The following EPHA3 variants were observed in gnomAD, a reference collection of about 807,000 sequenced individuals.
The protein encoded by EPHA3 is EPH receptor A3, also known as ephrin type-A receptor 3.
A neutral mutation model predicts 107.1 loss-of-function variants in EPHA3; 42 were observed. The observed-to-expected ratio is 0.39, with a 90% CI of 0.31 to 0.51. The LOEUF (loss-of-function observed/expected upper bound fraction) is 0.51, where lower values mean the gene tolerates loss of function less well. Ranked by LOEUF, EPHA3 falls within the 20% of genes least tolerant of loss-of-function variation. EPHA3 has a pLI of 0.78. For missense variants in EPHA3, 1,183 were observed against 1,211.2 expected (o/e 0.98, Z 0.35); for synonymous variants, 461 against 424.8 (o/e 1.09, Z -1.05).
intron 2 of EPHA3, among the ~76,000 whole-genome samples, chr3:89,187,892 T>C (rs146482395): frequency 3.5e-3 from 533 of 152,278 alleles, no homozygotes; most frequent in African/African-American, 0.012. Flanking sequence ...GTATATTATA[T>C]ATTAATTAAC....
intron 7 of EPHA3, 187 bp downstream of exon 7, chr3:89,399,667 TTG>T: frequency 7.9e-7 from 1 of 1,264,178 alleles, no homozygotes. Flanking sequence ...GGTGTACATT[TTG>T]TGTTTCTTTT....
At chr3:89,455,558 T>A (rs547572936) in intron 15 of EPHA3, among the ~76,000 whole-genome samples, 1 of 152,274 alleles carries the variant, frequency 6.6e-6, no homozygotes, top group South Asian at 2.1e-4. Context: ...AGTAAGATGA[T>A]TTGATTTATA....
chr3:89,118,519 A>C (rs1034080742), intron 1 of EPHA3, among the ~76,000 whole-genome samples: 1 of 151,850 alleles, frequency 6.6e-6, no homozygotes, highest in South Asian at 2.1e-4. Context: ...TTAACTAAGC[A>C]TGTTTTATTT....
intron 3 of EPHA3, among the ~76,000 whole-genome samples, chr3:89,323,656 G>A (rs1260971888): frequency 6.6e-6 from 1 of 151,896 alleles, no homozygotes; most frequent in Non-Finnish European, 1.5e-5. Context: ...ACAAGTATCT[G>A]GTTCATAAAG....
intron 2 of EPHA3, among the ~76,000 whole-genome samples, chr3:89,156,027 T>A (rs1162019706): frequency 6.6e-6 from 1 of 152,040 alleles, no homozygotes; most frequent in South Asian, 2.1e-4. Flanking sequence ...TGGTGATTGT[T>A]AAACTAGTAA....
intron 5 of EPHA3, among the ~76,000 whole-genome samples, chr3:89,369,074 A>G (rs906922895): frequency 6.7e-6 from 1 of 150,350 alleles, no homozygotes; most frequent in Non-Finnish European, 1.5e-5. Flanking sequence ...GAAGCGTGTC[A>G]TGGAAGGGAA....
At position 89,157,478 on chromosome 3, in the gene EPHA3, G is replaced by A. The variant is rs550707864; in HGVS notation, c.153+30205G>A. On this transcript the variant is annotated intron_variant, in intron 2 of 16. Transcript: ENST00000336596. ...TTGCAAAGTTGATGAAAAACGAAGA[G>A]GAACAAGGAGCATAGAATATCATAT... 1.6e-3 allele frequency among the ~76,000 whole-genome samples: 246 copies of A among 152,070 alleles called. 3 individuals carry two copies. Among genetic ancestry groups the A allele is most frequent in the African/African-American group, 5.6e-3 (232 of 41,502 alleles).
At chr3:89,457,378 T>C (rs892461981) in intron 15 of EPHA3, among the ~76,000 whole-genome samples, 4 of 152,110 alleles carry the variant, frequency 2.6e-5, no homozygotes, top group Admixed American at 6.5e-5. Flanking sequence ...CTGGTGAGCA[T>C]TACCGCCTGA....
At chr3:89,474,379 G>A (rs560481297) in intron 16 of EPHA3, among the ~76,000 whole-genome samples, 22 of 151,988 alleles carry the variant, frequency 1.4e-4, no homozygotes, top group Non-Finnish European at 2.5e-4. Flanking sequence ...GGGTTTCTGT[G>A]GTACTTATTT....
At chr3:89,265,791 C>T (rs1356428265) in intron 3 of EPHA3, among the ~76,000 whole-genome samples, 1 of 152,066 alleles carries the variant, frequency 6.6e-6, no homozygotes. Flanking sequence ...CTGTCAAGTC[C>T]TGAGAATGAG....
At chr3:89,428,434 A>C (rs1036002427) in intron 11 of EPHA3, among the ~76,000 whole-genome samples, 4 of 152,140 alleles carry the variant, frequency 2.6e-5, no homozygotes, top group Non-Finnish European at 5.9e-5. Flanking sequence ...ATGGTATTTT[A>C]GGCTACATAT....
At chr3:89,108,244 AGTATGTTT>A (rs1707019093) in intron 1 of EPHA3, among the ~76,000 whole-genome samples, 1 of 152,090 alleles carries the variant, frequency 6.6e-6, no homozygotes, top group African/African-American at 2.4e-5. Flanking sequence ...TAGACTCTTT[AGTATGTTT>A]AAAGGTAATG....
intron 16 of EPHA3, among the ~76,000 whole-genome samples, chr3:89,477,423 T>C (rs574725974): frequency 2.6e-5 from 4 of 152,306 alleles, no homozygotes; most frequent in African/African-American, 9.6e-5. Flanking sequence ...CAGTAGAGTC[T>C]CGGTTAATTT....
rs749957896 is a variant in EPHA3 at position 89,324,155 on chromosome 3, C to CTT, written c.815-16739_815-16738dup. Among the ~76,000 whole-genome samples, 519 of 118,972 alleles carry CTT rather than the reference C, an allele frequency of 4.4e-3. 3 individuals are homozygous for CTT. The highest frequency in any genetic ancestry group is 0.015 in the African/African-American group (489 of 32,032). 78.1% of individuals were successfully genotyped at this position (118,972 alleles called of 152,430 possible). A position where few individuals can be genotyped will look rare whatever the true frequency, so the allele number is the denominator to read the frequency against. Reference sequence around the variant, plus strand: ...TCAATGTGGAACTTTAGATGTCAGTCTTTTTTTTTTTTTTTTTTTTTTTAA... The same window carrying CTT: ...TCAATGTGGAACTTTAGATGTCAGTCTTTTTTTTTTTTTTTTTTTTTTTTTAA... On this transcript the variant is annotated intron_variant, in intron 3 of 16. Coordinates refer to ENST00000336596, the MANE Select transcript of EPHA3 (RefSeq NM_005233.6).
intron 5 of EPHA3, among the ~76,000 whole-genome samples, chr3:89,373,386 A>G (rs1416577464): frequency 1.3e-5 from 2 of 151,918 alleles, no homozygotes; most frequent in Non-Finnish European, 2.9e-5. Context: ...TGTAGGCTTT[A>G]TATAGATAAC....
At chr3:89,312,899 T>G (rs142154090) in intron 3 of EPHA3, among the ~76,000 whole-genome samples, 74 of 152,150 alleles carry the variant, frequency 4.9e-4, no homozygotes, top group African/African-American at 1.8e-3. Flanking sequence ...TCCATGTCCC[T>G]GTAAAGGACA....
Position 89,466,820 on chromosome 3 carries a change from G to A in EPHA3, c.2691-5644G>A, listed in dbSNP as rs940106296. ...TCGCTCACGCTGGGAGCTGTAGACCGGAGCTGTTCCTATTCGGCCATCTTG... is the reference window on the plus strand; with the variant it reads ...TCGCTCACGCTGGGAGCTGTAGACCAGAGCTGTTCCTATTCGGCCATCTTG... On this transcript the variant is annotated intron_variant, in intron 15 of 16. Coordinates refer to ENST00000336596, the MANE Select transcript of EPHA3 (RefSeq NM_005233.6). 4.2e-5 allele frequency among the ~76,000 whole-genome samples: 6 copies of A among 141,614 alleles called. 1 individual carries two copies. The highest frequency in any genetic ancestry group is 7.0e-5 in the Admixed American group (1 of 14,246). The allele number at this position is 141,614 out of a possible 152,430, so 92.9% of individuals were successfully genotyped here.
chr3:89,366,867 A>T (rs1708193531), intron 5 of EPHA3, among the ~76,000 whole-genome samples: 1 of 150,748 alleles, frequency 6.6e-6, no homozygotes, highest in African/African-American at 2.4e-5. Flanking sequence ...GTGTTTCCTC[A>T]GCAACTAAAA....
rs188219354 is a variant in EPHA3, at chr3:89,276,579, A to T, written c.815-64337A>T. On this transcript the variant is annotated intron_variant, in intron 3 of 16. Transcript: ENST00000336596. Reference sequence around the variant, plus strand: ...AATGTGCATATATATTAAAAAACACAGGAGTAGAAAGCATCAGAGATTGAT... The same window carrying T: ...AATGTGCATATATATTAAAAAACACTGGAGTAGAAAGCATCAGAGATTGAT... Among the ~76,000 whole-genome samples, 3 of 152,228 alleles carry T rather than the reference A, an allele frequency of 2.0e-5. No individual in the cohort carries two copies. In the East Asian group the frequency reaches 5.8e-4, roughly 29 times the overall value.
Sources: gnomAD v4.1 joint callset for allele counts (sites outside exome capture counted in the v4.1 genomes callset) on GRCh38, gnomAD v4.1.1 for gene constraint, MANE v1.5 for transcripts, NCBI Gene and HGNC (gene_info 2026-07-23, HGNC 2026-07-21) for gene names.